Variants in TRRAP observed in about 807,000 individuals in gnomAD.
TRRAP encodes the protein transformation/transcription domain-associated protein.
A neutral mutation model predicts 438.8 loss-of-function variants in TRRAP; 41 were observed. The ratio of observed to expected loss-of-function variants is 0.09; its 90% CI spans 0.07 to 0.12. TRRAP has a LOEUF of 0.12. Among genes scored for constraint, TRRAP ranks in the 10% least tolerant of loss-of-function variants. The pLI is 1.00. For synonymous variants in TRRAP, 1,994 were observed against 1,962.9 expected (o/e 1.02, Z -0.42); for missense variants, 3,122 against 5,055.1 (o/e 0.62, Z 11.60).
intron 18 of TRRAP, among the ~76,000 whole-genome samples, chr7:98,912,421 A>T (rs1261423859): frequency 6.6e-6 from 1 of 151,610 alleles, no homozygotes; most frequent in Admixed American, 6.6e-5. Flanking sequence ...TTCACTTTTA[A>T]ACAAACTATA....
chr7:98,941,146 TATG>T (rs1790778459), intron 30 of TRRAP, among the ~76,000 whole-genome samples: 1 of 152,190 alleles, frequency 6.6e-6, no homozygotes, highest in African/African-American at 2.4e-5. Context: ...TTACCTGACA[TATG>T]ATTATTAAGT....
intron 5 of TRRAP, 151 bp downstream of exon 5, chr7:98,892,679 C>T (rs1238677335): frequency 9.7e-6 from 6 of 619,570 alleles, no homozygotes; most frequent in African/African-American, 1.9e-5. Flanking sequence ...GTCCCTTTTC[C>T]CCCATTTCCT....
chr7:98,935,765 T>A, intron 28 of TRRAP, 90 bp downstream of exon 28: 2 of 1,025,106 alleles, frequency 2.0e-6, no homozygotes, highest in Middle Eastern at 4.4e-4. Flanking sequence ...TTTGTTGTTG[T>A]CTAATTTTTA....
chr7:98,933,597 A>G (rs1230238110), intron 27 of TRRAP, among the ~76,000 whole-genome samples, 195 bp downstream of exon 27: 3 of 152,224 alleles, frequency 2.0e-5, no homozygotes, highest in Non-Finnish European at 2.9e-5. Context: ...AGGTATGGCC[A>G]GCAGAGACGC....
chr7:98,895,778 G>A lies in TRRAP; in HGVS notation c.465G>A (p.Leu155=). 5.0e-6 allele frequency: 8 copies of A among 1,603,950 alleles called. No individual in the cohort carries two copies. The highest frequency in any genetic ancestry group is 6.8e-6 in the Non-Finnish European group (8 of 1,175,758). Residue 155 remains leucine, a synonymous_variant, in exon 7 of 73, where the codon CTG becomes CTA. Transcript: ENST00000456197. Reference sequence around the variant, plus strand: ...GCTTTTTTTAGATTCATCATTTTCTGGATTTTGTGAAACAGATTTACAAGG... The same window carrying A: ...GCTTTTTTTAGATTCATCATTTTCTAGATTTTGTGAAACAGATTTACAAGG... ...PPITQEIHHF[L]DFVKQIYKEL...
chr7:99,004,203 C>G lies in TRRAP; in HGVS notation c.10323C>G (p.Ser3441Arg), dbSNP rs377711398. The part of the protein sequence containing the change: ...KGQFTTDFDF[S>R]VPGSMKLHNL... ...TTTATTTTTAAGATTTTGACTTCAG[C>G]GTTCCAGGATCCATGAAGCTTCATA... The change falls in exon 68 of 73, where the codon AGC becomes AGG. Residue 3441 changes from serine (S) to arginine (R), a missense_variant. Ser to Arg is a moderately radical substitution (Grantham distance 110, BLOSUM62 -1). Around this residue, in one of 24 missense-constraint regions of TRRAP, gnomAD observed 107 missense variants for 327.5 expected, o/e 0.33. Transcript: ENST00000456197. The G allele has an allele frequency of 1.2e-6, 2 of 1,608,584 alleles. No individual in the cohort carries two copies. Among genetic ancestry groups the G allele is most frequent in the South Asian group, 2.2e-5 (2 of 89,430 alleles).
At chr7:98,897,311 T>C in intron 7 of TRRAP, among the ~76,000 whole-genome samples, 1 of 152,200 alleles carries the variant, frequency 6.6e-6, no homozygotes, top group East Asian at 1.9e-4. Flanking sequence ...AATTAATCAG[T>C]GGGGACTGCC....
chr7:98,959,947 AAAAAAAAG>A (rs1306552859), intron 45 of TRRAP, among the ~76,000 whole-genome samples: 19 of 149,764 alleles, frequency 1.3e-4, no homozygotes, highest in African/African-American at 2.7e-4. Flanking sequence ...AAAAAAAAAA[AAAAAAAAG>A]AAAAAGAAAA....
Position 98,982,812 on chromosome 7 carries a change from C to T in TRRAP, c.8827-452C>T, listed in dbSNP as rs375126224. On this transcript the variant is annotated intron_variant, in intron 59 of 72. Coordinates refer to ENST00000456197, the MANE Select transcript of TRRAP (RefSeq NM_001375524.1). ...AAAGAGGTCATGAGAACCACGTTTG[C>T]AGGTGCTTAGTGTGGCTGTGGGGTT... 1.8e-4 allele frequency among the ~76,000 whole-genome samples: 28 copies of T among 152,254 alleles called. No homozygotes were observed. The South Asian group carries it at 5.4e-3, about 29-fold the overall frequency.
intron 20 of TRRAP, among the ~76,000 whole-genome samples, chr7:98,920,864 A>G (rs1037579428): frequency 3.9e-5 from 6 of 151,976 alleles, no homozygotes; most frequent in Non-Finnish European, 4.4e-5. Context: ...TTTGAGATGA[A>G]GTTTCGCTCT....
intron 70 of TRRAP, among the ~76,000 whole-genome samples, chr7:99,009,127 G>A (rs1267073843): frequency 2.6e-5 from 4 of 152,190 alleles, no homozygotes; most frequent in African/African-American, 7.2e-5. Context: ...CCCCTCGGAG[G>A]TACAGAGGCC....
intron 21 of TRRAP, among the ~76,000 whole-genome samples, chr7:98,922,802 G>C (rs1359926937): frequency 6.6e-6 from 1 of 152,076 alleles, no homozygotes; most frequent in African/African-American, 2.4e-5. Flanking sequence ...GCCTGGAACT[G>C]CTCCAGGCCC....
At chr7:99,009,024 G>A (rs1441802596) in intron 70 of TRRAP, among the ~76,000 whole-genome samples, 2 of 152,118 alleles carry the variant, frequency 1.3e-5, no homozygotes, top group Non-Finnish European at 2.9e-5. Context: ...TACAAAAAGC[G>A]ACAGACTCTG....
chr7:98,991,379 G>A (rs372666648), intron 64 of TRRAP, among the ~76,000 whole-genome samples: 1 of 152,202 alleles, frequency 6.6e-6, no homozygotes, highest in South Asian at 2.1e-4. Context: ...CTTCCTGCAC[G>A]CAGCACCTGT....
chr7:98,880,374 C>T (rs1795374185), intron 1 of TRRAP, among the ~76,000 whole-genome samples: 2 of 150,204 alleles, frequency 1.3e-5, no homozygotes, highest in Admixed American at 1.3e-4. Context: ...AGTGATTCTC[C>T]TGCTTCAGCC....
chr7:98,884,738 G>A (rs1481004290), intron 3 of TRRAP, among the ~76,000 whole-genome samples: 4 of 152,140 alleles, frequency 2.6e-5, no homozygotes, highest in Admixed American at 2.6e-4. Context: ...CCTCAGCTCA[G>A]CAGGCCCTGA....
Position 98,937,292 on chromosome 7 carries a change from G to GTGCGTGTGTGCA in TRRAP, c.4233+22_4233+23insGTGCATGCGTGT, listed in dbSNP as rs1562950051. 3.7e-6 allele frequency: 6 copies of GTGCGTGTGTGCA among 1,606,928 alleles called. No homozygotes were observed. Among genetic ancestry groups the GTGCGTGTGTGCA allele is most frequent in the Non-Finnish European group, 5.1e-6 (6 of 1,177,410 alleles). On this transcript the variant is annotated intron_variant, in intron 29 of 72. Transcript: ENST00000456197. ...GTATGAGAAAGGTGAGTGTGTGTGC[G>GTGCGTGTGTGCA]TGCGTGTATGCGCACGCGTGTGTGC...
At chr7:98,945,667 C>T (rs1791019323) in intron 31 of TRRAP, 80 bp from the exon 32 acceptor site, 1 of 1,535,244 alleles carries the variant, frequency 6.5e-7, no homozygotes, top group East Asian at 2.3e-5. Flanking sequence ...CCCAATAACC[C>T]TTACTGTGTT....
intron 23 of TRRAP, 75 bp from the exon 24 acceptor site, chr7:98,929,914 C>A (rs1459137547): frequency 6.6e-7 from 1 of 1,509,640 alleles, no homozygotes; most frequent in Non-Finnish European, 9.1e-7. Context: ...TTTCTAACTT[C>A]AAGGAAAACA....
Sources: allele counts gnomAD v4.1 joint callset (sites outside exome capture counted in the v4.1 genomes callset), GRCh38; gene constraint gnomAD v4.1.1; regional missense constraint gnomAD v4.1.1; transcripts MANE v1.5; gene names NCBI Gene and HGNC (gene_info 2026-07-23, HGNC 2026-07-21).